The following TMEM62 variants were observed in gnomAD, a reference collection of about 807,000 sequenced individuals.
TMEM62 encodes transmembrane protein 62.
A neutral mutation model predicts 70.4 loss-of-function variants in TMEM62; 41 were observed. That is an observed-to-expected ratio of 0.58 (90% CI 0.45 to 0.76). TMEM62 has a LOEUF of 0.76. TMEM62 is among the 30% of genes least tolerant of loss of function. The probability of loss-of-function intolerance (pLI) is 0.00; values close to 1 mark genes in which losing one functional copy is unlikely to be tolerated. For missense variants in TMEM62, 688 were observed against 788.5 expected, an observed-to-expected ratio of 0.87 and a Z score of 1.53; for synonymous variants, 268 against 291.0, an observed-to-expected ratio of 0.92 and a Z score of 0.80.
Position 43,133,775 on chromosome 15 carries a change from G to T in TMEM62, c.-28G>T, listed in dbSNP as rs2034727922. ...CCGCGCGGTCCTGCGCGGGATCAGCGAGGGCCGCGCCCCGGCGGGCGGGCG... is the reference window on the plus strand; with the variant it reads ...CCGCGCGGTCCTGCGCGGGATCAGCTAGGGCCGCGCCCCGGCGGGCGGGCG... On this transcript the variant is annotated 5_prime_UTR_variant, in exon 1 of 14. Transcript: ENST00000260403. The T allele has an allele frequency of 3.0e-6, 4 of 1,341,710 alleles. No homozygotes were observed. The highest frequency in any genetic ancestry group is 1.9e-5 in the South Asian group (1 of 51,286). 83.1% of individuals were successfully genotyped at this position (1,341,710 alleles called of 1,614,324 possible).
intron 10 of TMEM62, among the ~76,000 whole-genome samples, chr15:43,164,808 C>T (rs1443643323): frequency 6.6e-6 from 1 of 152,022 alleles, no homozygotes; most frequent in Admixed American, 6.6e-5. Context: ...TTTATTTCTC[C>T]TTCATGTTTG....
At chr15:43,135,761 A>G (rs1345552276) in intron 3 of TMEM62, 112 bp downstream of exon 3, 1 of 1,227,770 alleles carries the variant, frequency 8.1e-7, no homozygotes, top group Non-Finnish European at 1.1e-6. Flanking sequence ...TACATATACT[A>G]AAGGTCACAT....
intron 8 of TMEM62, among the ~76,000 whole-genome samples, chr15:43,152,924 T>C (rs2037575828): frequency 6.6e-6 from 1 of 152,228 alleles, no homozygotes. Flanking sequence ...GAGTATTTCT[T>C]CTCAGGCATT....
intron 9 of TMEM62, among the ~76,000 whole-genome samples, chr15:43,157,501 A>T (rs762664959): frequency 6.6e-6 from 1 of 152,196 alleles, no homozygotes; most frequent in Admixed American, 6.5e-5. Context: ...ATAAAAGCTT[A>T]AAAAACACAA....
intron 1 of TMEM62, 81 bp from the exon 2 acceptor site, chr15:43,134,176 C>T: frequency 2.0e-6 from 3 of 1,519,844 alleles, no homozygotes; most frequent in East Asian, 4.6e-5. Context: ...TTCCTTCTGC[C>T]CGAGAGAGCC....
At chr15:43,149,452 G>A (rs1299414420) in intron 7 of TMEM62, among the ~76,000 whole-genome samples, 2 of 152,012 alleles carry the variant, frequency 1.3e-5, no homozygotes, top group East Asian at 3.9e-4. Flanking sequence ...ATTTTCAGGC[G>A]CTGCCTCTAG....
At chr15:43,138,675 T>C (rs1269436955) in intron 4 of TMEM62, 56 bp downstream of exon 4, 1 of 1,354,152 alleles carries the variant, frequency 7.4e-7, no homozygotes, top group African/African-American at 1.5e-5. Flanking sequence ...ATAAGGAGGG[T>C]GTGGTCAACT....
At chr15:43,164,749 C>CTCAGCTTTGTTTGTTTGGGAAAG (rs1172175637) in intron 10 of TMEM62, among the ~76,000 whole-genome samples, 18 of 152,128 alleles carry the variant, frequency 1.2e-4, no homozygotes, top group Non-Finnish European at 2.1e-4. Context: ...GATGAAATCC[C>CTCAGCTTTGTTTGTTTGGGAAAG]TCAGCTTTGT....
At position 43,151,777 on chromosome 15, in the gene TMEM62, A is replaced by T; in HGVS notation, c.867-13A>T. Reference sequence around the variant, plus strand: ...GAAGTGACTAAATTACCTTATCATTATCTGGTCTTTAGGTACCGGATTTTT... The same window carrying T: ...GAAGTGACTAAATTACCTTATCATTTTCTGGTCTTTAGGTACCGGATTTTT... On this transcript the variant is annotated splice_polypyrimidine_tract_variant and intron_variant, in intron 7 of 13. Coordinates refer to ENST00000260403, the MANE Select transcript of TMEM62 (RefSeq NM_024956.4). The T allele has an allele frequency of 6.2e-7, 1 of 1,611,554 alleles. No individual in the cohort carries two copies. The highest frequency in any genetic ancestry group is 1.3e-5 in the African/African-American group (1 of 74,886).
Position 43,184,604 on chromosome 15 carries a change from T to C in TMEM62, c.*18T>C. On this transcript the variant is annotated 3_prime_UTR_variant, in exon 14 of 14. Coordinates refer to ENST00000260403, the MANE Select transcript of TMEM62 (RefSeq NM_024956.4). Reference sequence around the variant, plus strand: ...GCTCCTGAAGGCCATGTCTCACCACTGGCAGCTGGGCAGAAGCCCAGCCTC... The same window carrying C: ...GCTCCTGAAGGCCATGTCTCACCACCGGCAGCTGGGCAGAAGCCCAGCCTC... 1 of 1,602,254 alleles carries C rather than the reference T, an allele frequency of 6.2e-7. No homozygotes were observed. Among genetic ancestry groups the C allele is most frequent in the Non-Finnish European group, 8.5e-7 (1 of 1,177,174 alleles).
chr15:43,160,030 G>A (rs1022934139), intron 9 of TMEM62, among the ~76,000 whole-genome samples: 6 of 151,910 alleles, frequency 3.9e-5, no homozygotes, highest in East Asian at 1.9e-4. Flanking sequence ...GTGCAGTGGC[G>A]TGATCTCGGC....
chr15:43,146,666 T>A, intron 5 of TMEM62, 32 bp downstream of exon 5: 1 of 1,568,482 alleles, frequency 6.4e-7, no homozygotes, highest in South Asian at 1.2e-5. Flanking sequence ...CCTTTGTAGC[T>A]TACTTATTTT....
At chr15:43,177,664 T>TGGCTGCATA (rs1262648121) in intron 11 of TMEM62, among the ~76,000 whole-genome samples, 1 of 152,008 alleles carries the variant, frequency 6.6e-6, no homozygotes, top group African/African-American at 2.4e-5. Context: ...TGGAATACTA[T>TGGCTGCATA]GCAGCCATAA....
At chr15:43,146,786 C>A in intron 5 of TMEM62, 152 bp downstream of exon 5, 1 of 699,654 alleles carries the variant, frequency 1.4e-6, no homozygotes, top group Non-Finnish European at 2.3e-6. Flanking sequence ...AAGTTACTGG[C>A]TATTTCAGCA....
intron 3 of TMEM62, among the ~76,000 whole-genome samples, chr15:43,137,634 C>T (rs1381024556): frequency 1.3e-5 from 2 of 152,266 alleles, no homozygotes; most frequent in African/African-American, 2.4e-5. Flanking sequence ...TCCCAACCCT[C>T]CCACAGATGT....
rs553113016 is a variant in TMEM62, at chr15:43,158,383, G to A, written c.1183-2298G>A. 2.0e-5 allele frequency among the ~76,000 whole-genome samples: 3 copies of A among 152,278 alleles called. No individual in the cohort carries two copies. In the East Asian group the frequency reaches 5.8e-4, roughly 29 times the overall value. On this transcript the variant is annotated intron_variant, in intron 9 of 13. Transcript: ENST00000260403. ...GGTCAAGGAGAGGGGATCCTGATTT[G>A]TAGCATTTCCCTGATTTGTACCAAT... is the stretch of plus-strand genomic sequence containing the variant.
rs777506818 is a variant in TMEM62 at position 43,134,279 on chromosome 15, G to C, written c.203G>C (p.Arg68Thr). 6.2e-7 allele frequency: 1 copy of C among 1,614,216 alleles called. No homozygotes were observed. The highest frequency in any genetic ancestry group is 1.1e-5 in the South Asian group (1 of 91,084). ...GLQISDIHLSRFRDPGRAVDL... is the reference protein window; with the variant it reads ...GLQISDIHLSTFRDPGRAVDL... ...CAGATATCCGACATTCACCTGAGCA[G>C]GTTTCGAGATCCAGGCAGAGCGGTA... The change falls in exon 2 of 14, where the codon AGG becomes ACG. Residue 68 changes from arginine (R) to threonine (T), a missense_variant. Coordinates refer to ENST00000260403, the MANE Select transcript of TMEM62 (RefSeq NM_024956.4).
intron 10 of TMEM62, among the ~76,000 whole-genome samples, chr15:43,165,317 T>C (rs754282119): frequency 6.6e-6 from 1 of 152,194 alleles, no homozygotes; most frequent in Non-Finnish European, 1.5e-5. Context: ...TAATTCTTTC[T>C]TCTATTTGAT....
chr15:43,168,499 T>A (rs1429443365), intron 10 of TMEM62, among the ~76,000 whole-genome samples: 2 of 152,108 alleles, frequency 1.3e-5, no homozygotes, highest in African/African-American at 4.8e-5. Flanking sequence ...CCAGGCTGAG[T>A]CTAGAAATGC....
Sources: gnomAD v4.1 joint callset for allele counts (sites outside exome capture counted in the v4.1 genomes callset) on GRCh38, gnomAD v4.1.1 for gene constraint, MANE v1.5 for transcripts, NCBI Gene and HGNC (gene_info 2026-07-23, HGNC 2026-07-21) for gene names.